LRRC56: variants seen among roughly 807,000 people sequenced by gnomAD.
LRRC56 encodes the protein leucine-rich repeat-containing protein 56.
In LRRC56, 41 loss-of-function variants were observed where a neutral mutation model predicts 47.8. That is an observed-to-expected ratio of 0.86 (90% CI 0.67 to 1.11). The LOEUF (loss-of-function observed/expected upper bound fraction) is 1.11. Among genes scored for constraint, LRRC56 ranks in the 50% most tolerant of loss-of-function variants. The pLI, the probability that LRRC56 is intolerant of heterozygous loss-of-function variation, is 0.00. For synonymous variants in LRRC56, 387 were observed against 311.2 expected, an observed-to-expected ratio of 1.24 and a Z score of -2.56; for missense variants, 759 against 704.2, an observed-to-expected ratio of 1.08 and a Z score of -0.88.
At chr11:533,137 C>T (rs1851209144), upstream of LRRC56, 2 of 774,572 alleles carry the variant, frequency 2.6e-6, no homozygotes. Flanking sequence ...GCCCCAGGGT[C>T]ACCGCTCCGG....
At chr11:548,782 A>G (rs1852215464) in intron 6 of LRRC56, among the ~76,000 whole-genome samples, 1 of 152,148 alleles carries the variant, frequency 6.6e-6, no homozygotes, top group African/African-American at 2.4e-5. Flanking sequence ...AAGGACAGAA[A>G]TAACGAAGTG....
At chr11:532,231 G>A in the LRRC56 span, 2 of 373,510 alleles carry the variant, frequency 5.4e-6, no homozygotes, top group Non-Finnish European at 1.0e-5. Flanking sequence ...ACCCTCAGCC[G>A]AAAACCAAGA....
the LRRC56 span, among the ~76,000 whole-genome samples, chr11:519,005 G>A: frequency 6.6e-6 from 1 of 152,158 alleles, no homozygotes. Context: ...CGCGCGAGGC[G>A]CCGCACGGGG....
the LRRC56 span, among the ~76,000 whole-genome samples, chr11:526,419 A>AG: frequency 6.6e-6 from 1 of 152,086 alleles, no homozygotes; most frequent in Non-Finnish European, 1.5e-5. Flanking sequence ...TGAGAAGGCA[A>AG]GGGGCCCGGC....
At chr11:552,520 T>TC in intron 12 of LRRC56, 49 bp from the exon 13 acceptor site, 2 of 1,515,508 alleles carry the variant, frequency 1.3e-6, no homozygotes, top group Non-Finnish European at 1.8e-6. Flanking sequence ...ATGTGTCCTG[T>TC]CCCGTGGGGG....
At chr11:533,333 C>T (rs779635953), upstream of LRRC56, 2 of 1,605,140 alleles carry the variant, frequency 1.2e-6, no homozygotes, top group South Asian at 1.1e-5. Context: ...GGTCCCGGAG[C>T]TGGAGCTAGA....
chr11:546,523 G>A (rs985602217), intron 6 of LRRC56, among the ~76,000 whole-genome samples: 6 of 151,512 alleles, frequency 4.0e-5, no homozygotes, highest in Admixed American at 2.0e-4. Flanking sequence ...AGCCAAGATC[G>A]CACCACTAAA....
At chr11:506,644 G>A in the LRRC56 span, 1 of 152,386 alleles carries the variant, frequency 6.6e-6, no homozygotes, top group Non-Finnish European at 1.5e-5. Flanking sequence ...AGCCGTTCGA[G>A]TCTTCTCCGC....
chr11:518,718 G>T, the LRRC56 span, among the ~76,000 whole-genome samples: 1 of 152,184 alleles, frequency 6.6e-6, no homozygotes, highest in South Asian at 2.1e-4. Flanking sequence ...GGCAGGAAAC[G>T]CAGCCAGCGC....
intron 13 of LRRC56, among the ~76,000 whole-genome samples, chr11:552,975 G>T (rs531205748): frequency 1.3e-5 from 2 of 152,282 alleles, no homozygotes; most frequent in East Asian, 3.9e-4. Flanking sequence ...CACAAAAGGG[G>T]GTATGAACAG....
chr11:553,431 G>T (rs1472889456), intron 13 of LRRC56, among the ~76,000 whole-genome samples: 5 of 152,096 alleles, frequency 3.3e-5, no homozygotes, highest in Non-Finnish European at 7.4e-5. Flanking sequence ...TGTGGAGGGG[G>T]CAGACAGAGG....
At chr11:512,299 G>C in the LRRC56 span, among the ~76,000 whole-genome samples, 17 of 152,084 alleles carry the variant, frequency 1.1e-4, no homozygotes, top group South Asian at 4.2e-4. Context: ...GCAGTGGCAT[G>C]ATCTCAGCTC....
At chr11:538,990 A>T (rs976255562) in intron 2 of LRRC56, 130 bp downstream of exon 2, 1 of 152,396 alleles carries the variant, frequency 6.6e-6, no homozygotes, top group East Asian at 1.9e-4. Flanking sequence ...GTCAGGGAGG[A>T]GGACACTGGA....
At chr11:507,059 G>C in the LRRC56 span, 1 of 152,234 alleles carries the variant, frequency 6.6e-6, no homozygotes, top group African/African-American at 2.4e-5. Flanking sequence ...GCCCGACCAA[G>C]GCCGGCGTGG....
chr11:546,402 A>G (rs1484408607), intron 6 of LRRC56, among the ~76,000 whole-genome samples: 1 of 151,948 alleles, frequency 6.6e-6, no homozygotes, highest in East Asian at 1.9e-4. Flanking sequence ...CCCCGTCTCT[A>G]CTAAAAATAC....
upstream of LRRC56, chr11:533,966 G>C (rs753221782): frequency 1.2e-6 from 2 of 1,607,066 alleles, no homozygotes; most frequent in East Asian, 2.2e-5. Context: ...CAGGGCTCAG[G>C]GACCCCCTCA....
rs555047391 is a variant in LRRC56, at chr11:553,345, G to A, written c.1316-618G>A. On this transcript the variant is annotated intron_variant, in intron 13 of 13. Coordinates refer to ENST00000270115, the MANE Select transcript of LRRC56 (RefSeq NM_198075.4). ...GCAGCTGACCCTCCTCTGTGCAGGA[G>A]CCTGGTTAAGGGGGCTGGGATGGGC... 9.8e-5 allele frequency among the ~76,000 whole-genome samples: 15 copies of A among 152,302 alleles called. No individual in the cohort carries two copies. In the South Asian group the frequency reaches 2.7e-3, roughly 27 times the overall value.
At chr11:524,398 G>A in the LRRC56 span, among the ~76,000 whole-genome samples, 2 of 152,098 alleles carry the variant, frequency 1.3e-5, no homozygotes, top group Admixed American at 6.6e-5. Flanking sequence ...TTGGGAGGCT[G>A]AGGCGGGTGG....
At chr11:526,396 G>A in the LRRC56 span, among the ~76,000 whole-genome samples, 9 of 152,184 alleles carry the variant, frequency 5.9e-5, no homozygotes, top group Admixed American at 2.0e-4. Context: ...ACAGGACTCC[G>A]ATGCATCCCG....
Sources: gnomAD v4.1 joint callset for allele counts (sites outside exome capture counted in the v4.1 genomes callset) on GRCh38, gnomAD v4.1.1 for gene constraint, MANE v1.5 for transcripts, NCBI Gene and HGNC (gene_info 2026-07-23, HGNC 2026-07-21) for gene names.